DMRT1: variants seen among roughly 807,000 people sequenced by gnomAD.
The protein encoded by DMRT1 is doublesex- and mab-3-related transcription factor 1.
DMRT1 carries 7 observed loss-of-function variants against 32.3 expected under a neutral mutation model. The ratio of observed to expected loss-of-function variants is 0.22; its 90% CI spans 0.12 to 0.41. The LOEUF is 0.41. Among genes scored for constraint, DMRT1 ranks in the 10% least tolerant of loss-of-function variants. The pLI is 1.00. For missense variants in DMRT1, 625 were observed against 500.5 expected (o/e 1.25, Z -2.37); for synonymous variants, 278 against 206.1 (o/e 1.35, Z -2.99).
intron 4 of DMRT1, 122 bp downstream of exon 4, chr9:917,029 G>A (rs916190343): frequency 3.7e-6 from 4 of 1,093,220 alleles, no homozygotes; most frequent in African/African-American, 3.1e-5. Context: ...ATTGCTGTGT[G>A]AAGCTTGGAT....
At position 847,126 on chromosome 9, in the gene DMRT1, C is replaced by T. The variant is rs533575697; in HGVS notation, c.521C>T (p.Pro174Leu). ...GTSQPPPASV[P>L]TTAASEGRMV... ...TCTCAGCCACCGCCGGCCAGTGTCC[C>T]CACCACTGCAGCTTCAGGTAATCTG... The change falls in exon 2 of 5, where the codon CCC becomes CTC. Residue 174 changes from proline to leucine, a missense_variant. Pro to Leu is a moderately conservative substitution (Grantham distance 98). Around this residue, in one of 3 missense-constraint regions of DMRT1, gnomAD observed 416 missense variants for 321.6 expected, o/e 1.29. Coordinates refer to ENST00000382276, the MANE Select transcript of DMRT1 (RefSeq NM_021951.3). The T allele has an allele frequency of 6.2e-7, 1 of 1,613,096 alleles. No individual in the cohort carries two copies. Among genetic ancestry groups the T allele is most frequent in the Non-Finnish European group, 8.5e-7 (1 of 1,179,972 alleles).
intron 3 of DMRT1, among the ~76,000 whole-genome samples, chr9:905,581 G>C (rs1180686958): frequency 2.6e-5 from 4 of 151,712 alleles, no homozygotes; most frequent in African/African-American, 9.7e-5. Context: ...ATAATGGAAA[G>C]GTTTTTTGTT....
At chr9:907,999 C>T (rs1178373581) in intron 3 of DMRT1, among the ~76,000 whole-genome samples, 1 of 152,184 alleles carries the variant, frequency 6.6e-6, no homozygotes, top group Admixed American at 6.5e-5. Flanking sequence ...ATGGTGAAAA[C>T]AGTTGAACAA....
chr9:930,565 T>C (rs571597553), intron 4 of DMRT1, among the ~76,000 whole-genome samples: 55 of 151,990 alleles, frequency 3.6e-4, no homozygotes, highest in Admixed American at 5.9e-4. Flanking sequence ...CCCGCCACCA[T>C]GCCCAGCAAA....
intron 4 of DMRT1, among the ~76,000 whole-genome samples, chr9:962,398 T>C (rs1819802385): frequency 6.6e-6 from 1 of 152,152 alleles, no homozygotes; most frequent in South Asian, 2.1e-4. Flanking sequence ...CAAAGGGTGC[T>C]GAGCCCCTAT....
chr9:924,569 G>A (rs796620179), intron 4 of DMRT1, among the ~76,000 whole-genome samples: 15 of 152,238 alleles, frequency 9.9e-5, no homozygotes, highest in African/African-American at 2.9e-4. Flanking sequence ...GCAGTGGGCT[G>A]TACAAATGAA....
chr9:919,618 G>A (rs764819486), intron 4 of DMRT1, among the ~76,000 whole-genome samples: 14 of 152,182 alleles, frequency 9.2e-5, no homozygotes, highest in Non-Finnish European at 1.9e-4. Context: ...TTTATTTCAA[G>A]TGAGATGGGG....
intron 4 of DMRT1, among the ~76,000 whole-genome samples, chr9:942,666 T>C (rs1420916382): frequency 6.6e-6 from 1 of 152,150 alleles, no homozygotes; most frequent in Non-Finnish European, 1.5e-5. Flanking sequence ...ACATCTCAAG[T>C]TTATTGCTTT....
Position 841,828 on chromosome 9 carries a change from C to G in DMRT1, c.-11C>G, listed in dbSNP as rs754699949. Reference sequence around the variant, plus strand: ...GGGGGCCAGAGTGCTCGCACTTCTCCTAGGGGCACCATGCCCAACGACGAG... The same window carrying G: ...GGGGGCCAGAGTGCTCGCACTTCTCGTAGGGGCACCATGCCCAACGACGAG... On this transcript the variant is annotated 5_prime_UTR_variant, in exon 1 of 5. Transcript: ENST00000382276. The G allele has an allele frequency of 6.2e-7, 1 of 1,606,640 alleles. No homozygotes were observed. Among genetic ancestry groups the G allele is most frequent in the South Asian group, 1.1e-5 (1 of 89,800 alleles).
chr9:954,456 G>T (rs1473492476), intron 4 of DMRT1, among the ~76,000 whole-genome samples: 1 of 152,084 alleles, frequency 6.6e-6, no homozygotes, highest in Non-Finnish European at 1.5e-5. Flanking sequence ...AGAGCAGGAT[G>T]CAGCAGCTGC....
At chr9:891,816 G>C (rs1231675936) in intron 2 of DMRT1, among the ~76,000 whole-genome samples, 1 of 152,132 alleles carries the variant, frequency 6.6e-6, no homozygotes, top group East Asian at 1.9e-4. Context: ...GGGCCACCGT[G>C]CCTGGCTGGA....
intron 3 of DMRT1, among the ~76,000 whole-genome samples, chr9:896,475 A>C (rs1817368370): frequency 6.6e-6 from 1 of 151,334 alleles, no homozygotes; most frequent in Admixed American, 6.6e-5. Context: ...CTCCACCTCG[A>C]GCTCCCGGCA....
chr9:886,391 G>A (rs1010381764), intron 2 of DMRT1, among the ~76,000 whole-genome samples: 10 of 152,172 alleles, frequency 6.6e-5, no homozygotes, highest in Admixed American at 4.6e-4. Flanking sequence ...GAGTAGCTGG[G>A]ACTACAGGCA....
chr9:874,646 C>A (rs1816417242), intron 2 of DMRT1, among the ~76,000 whole-genome samples: 1 of 152,060 alleles, frequency 6.6e-6, no homozygotes, highest in African/African-American at 2.4e-5. Flanking sequence ...TTCTTCAAAT[C>A]TTGATGCCTT....
At chr9:927,304 T>TTCATGATGAATGG (rs1187080131) in intron 4 of DMRT1, among the ~76,000 whole-genome samples, 1 of 152,238 alleles carries the variant, frequency 6.6e-6, no homozygotes, top group African/African-American at 2.4e-5. Flanking sequence ...TTGTCATGCA[T>TTCATGATGAATGG]CTTTCACCAT....
intron 2 of DMRT1, among the ~76,000 whole-genome samples, chr9:885,897 G>A (rs776222799): frequency 5.9e-5 from 9 of 152,186 alleles, no homozygotes; most frequent in East Asian, 1.9e-4. Flanking sequence ...CATTCTCTTG[G>A]AAAGAGTGCT....
In DMRT1 at chr9:900,462, C is replaced by G. The variant is rs570507053; in HGVS notation, c.822+6267C>G. On this transcript the variant is annotated intron_variant, in intron 3 of 4. Coordinates refer to ENST00000382276, the MANE Select transcript of DMRT1 (RefSeq NM_021951.3). ...AGAATGGTCAAAACAAGTCACTTTC[C>G]AAAGTATCTGCTGTGTGGGGGTGGC... is the stretch of plus-strand genomic sequence containing the variant. Among the ~76,000 whole-genome samples, 6 of 152,102 alleles carry G rather than the reference C, an allele frequency of 3.9e-5. No homozygotes were observed. The East Asian group carries it at 1.2e-3, about 29-fold the overall frequency.
At position 849,486 on chromosome 9, in the gene DMRT1, A is replaced by T. The variant is rs117161798; in HGVS notation, c.538+2343A>T. ...TGTGGCATAACATCAAGGTTTGATTATAAACCCTAAGATAGTGGAGCTTTA... is the reference window on the plus strand; with the variant it reads ...TGTGGCATAACATCAAGGTTTGATTTTAAACCCTAAGATAGTGGAGCTTTA... On this transcript the variant is annotated intron_variant, in intron 2 of 4. Transcript: ENST00000382276. Among the ~76,000 whole-genome samples, 342 of 152,352 alleles carry T rather than the reference A, an allele frequency of 2.2e-3. 2 individuals carry two copies. The highest frequency in any genetic ancestry group is 2.2e-3 in the Non-Finnish European group (152 of 68,032).
At chr9:871,681 A>G (rs941972655) in intron 2 of DMRT1, among the ~76,000 whole-genome samples, 3 of 148,458 alleles carry the variant, frequency 2.0e-5, no homozygotes, top group East Asian at 2.0e-4. Flanking sequence ...TCACCGTGTT[A>G]GCCAGGATGG....
Sources: allele counts gnomAD v4.1 joint callset (sites outside exome capture counted in the v4.1 genomes callset), GRCh38; gene constraint gnomAD v4.1.1; regional missense constraint gnomAD v4.1.1; transcripts MANE v1.5; gene names NCBI Gene and HGNC (gene_info 2026-07-23, HGNC 2026-07-21).